The following GRIK4 variants were observed in gnomAD, a reference collection of about 807,000 sequenced individuals.
GRIK4 encodes glutamate receptor ionotropic, kainate 4.
GRIK4 carries 40 observed loss-of-function variants against 104.9 expected under a neutral mutation model. The observed-to-expected ratio is 0.38, with a 90% CI of 0.30 to 0.50. The LOEUF is 0.50. GRIK4 is among the 20% of genes least tolerant of loss of function. The pLI is 0.93. For missense variants in GRIK4, 1,047 were observed against 1,308.1 expected, an observed-to-expected ratio of 0.80 and a Z score of 3.08; for synonymous variants, 485 against 524.9, an observed-to-expected ratio of 0.92 and a Z score of 1.04.
intron 3 of GRIK4, among the ~76,000 whole-genome samples, chr11:120,715,755 C>G (rs773873333): frequency 6.6e-6 from 1 of 152,208 alleles, no homozygotes; most frequent in African/African-American, 2.4e-5. Context: ...GCGCCACACC[C>G]GCTCCCTTTT....
chr11:120,831,756 T>TCGGTGG, intron 6 of GRIK4, 96 bp from the exon 7 acceptor site: 13 of 908,978 alleles, frequency 1.4e-5, no homozygotes, highest in Admixed American at 4.2e-5. Context: ...CCGACCCCAC[T>TCGGTGG]TCCAGCCCAC....
At chr11:120,972,888 G>A (rs558289213) in intron 19 of GRIK4, among the ~76,000 whole-genome samples, 34 of 152,178 alleles carry the variant, frequency 2.2e-4, no homozygotes, top group South Asian at 1.5e-3. Context: ...AGTGGGGGAC[G>A]TAAGAGGCGG....
intron 13 of GRIK4, among the ~76,000 whole-genome samples, chr11:120,906,783 C>T (rs1156776174): frequency 6.6e-6 from 1 of 152,182 alleles, no homozygotes; most frequent in Non-Finnish European, 1.5e-5. Context: ...CCTGACGGAA[C>T]ATGGACGGCA....
chr11:120,588,382 C>T (rs1217634038), intron 1 of GRIK4, among the ~76,000 whole-genome samples: 1 of 152,176 alleles, frequency 6.6e-6, no homozygotes, highest in African/African-American at 2.4e-5. Context: ...ATACCTGGTA[C>T]TTACTCTGTT....
chr11:120,811,319 A>G (rs1844567415), intron 4 of GRIK4, among the ~76,000 whole-genome samples: 1 of 152,208 alleles, frequency 6.6e-6, no homozygotes, highest in African/African-American at 2.4e-5. Flanking sequence ...ACAATAACTC[A>G]GTGTTCCAGT....
At chr11:120,521,493 A>C (rs1179136508) in intron 1 of GRIK4, among the ~76,000 whole-genome samples, 1 of 152,166 alleles carries the variant, frequency 6.6e-6, no homozygotes, top group Admixed American at 6.5e-5. Flanking sequence ...GGGCAGTTAA[A>C]ATTATTGTCC....
intron 9 of GRIK4, among the ~76,000 whole-genome samples, chr11:120,863,593 CATTAG>C (rs1162195148): frequency 1.3e-5 from 2 of 152,192 alleles, no homozygotes; most frequent in Admixed American, 6.5e-5. Context: ...AGTGGAAAAG[CATTAG>C]GTCTAGGAGA....
At chr11:120,871,223 C>T (rs1215893237) in intron 9 of GRIK4, 1 of 174,742 alleles carries the variant, frequency 5.7e-6, no homozygotes, top group Admixed American at 5.7e-5. Context: ...GGGCAGCTAA[C>T]TTGCTGTCAA....
At chr11:120,724,988 A>G (rs1222914572) in intron 3 of GRIK4, among the ~76,000 whole-genome samples, 1 of 150,642 alleles carries the variant, frequency 6.6e-6, no homozygotes, top group Non-Finnish European at 1.5e-5. Flanking sequence ...CTTCTAGTTT[A>G]GTCTTGCTCA....
At chr11:120,706,714 T>C (rs4567478) in intron 3 of GRIK4, among the ~76,000 whole-genome samples, 37,701 of 152,060 alleles carry the variant, frequency 0.25, 6,375 homozygotes, top group African/African-American at 0.48. Flanking sequence ...CAAAGCAATA[T>C]GTGAGGTTGA....
chr11:120,885,530 C>T (rs1483658464), intron 11 of GRIK4, among the ~76,000 whole-genome samples: 2 of 152,044 alleles, frequency 1.3e-5, no homozygotes, highest in Non-Finnish European at 2.9e-5. Flanking sequence ...AGATTACAGG[C>T]GCCTACCACC....
intron 1 of GRIK4, among the ~76,000 whole-genome samples, chr11:120,596,044 A>G (rs1046870940): frequency 5.3e-5 from 8 of 152,168 alleles, no homozygotes; most frequent in Admixed American, 5.2e-4. Context: ...ACGGTGTTTC[A>G]TCATGTTGGC....
intron 1 of GRIK4, among the ~76,000 whole-genome samples, chr11:120,606,291 C>T (rs774590451): frequency 1.5e-4 from 23 of 152,182 alleles, no homozygotes; most frequent in African/African-American, 3.4e-4. Flanking sequence ...TGCAGACCCA[C>T]GCTCCTCAGC....
chr11:120,632,752 CACT>C (rs1388332604), intron 1 of GRIK4, among the ~76,000 whole-genome samples: 1 of 152,108 alleles, frequency 6.6e-6, no homozygotes, highest in Non-Finnish European at 1.5e-5. Flanking sequence ...CAACCCCTTG[CACT>C]ACCACCAGCA....
chr11:120,635,839 T>C (rs189230920), intron 1 of GRIK4, among the ~76,000 whole-genome samples: 1 of 152,326 alleles, frequency 6.6e-6, no homozygotes, highest in Admixed American at 6.5e-5. Flanking sequence ...AAATCATAAG[T>C]GTATGGCTTT....
chr11:120,862,529 G>A (rs769410749), intron 9 of GRIK4, among the ~76,000 whole-genome samples: 1 of 152,168 alleles, frequency 6.6e-6, no homozygotes, highest in African/African-American at 2.4e-5. Context: ...GGATGTGGGG[G>A]TCTTGTTCAA....
intron 4 of GRIK4, 106 bp downstream of exon 4, chr11:120,802,963 C>T (rs562557781): frequency 8.2e-6 from 8 of 977,578 alleles, no homozygotes; most frequent in East Asian, 5.0e-5. Context: ...TATCTGATGT[C>T]GATATTTCCA....
At chr11:120,874,476 G>T (rs936175980) in intron 10 of GRIK4, among the ~76,000 whole-genome samples, 1 of 152,156 alleles carries the variant, frequency 6.6e-6, no homozygotes, top group African/African-American at 2.4e-5. Context: ...ACTATTAGTG[G>T]GCCCCTGAAT....
chr11:120,619,708 T>C (rs1943106427), intron 1 of GRIK4, among the ~76,000 whole-genome samples: 1 of 152,174 alleles, frequency 6.6e-6, no homozygotes. Context: ...CTACTCTTCC[T>C]CTTGCTATGG....
Sources: gnomAD v4.1 joint callset for allele counts (sites outside exome capture counted in the v4.1 genomes callset) on GRCh38, gnomAD v4.1.1 for gene constraint, MANE v1.5 for transcripts, NCBI Gene and HGNC (gene_info 2026-07-23, HGNC 2026-07-21) for gene names.